The following ADIPOR2 variants were observed in gnomAD, a reference collection of about 807,000 sequenced individuals.
ADIPOR2 encodes adiponectin receptor protein 2.
ADIPOR2 carries 18 observed loss-of-function variants against 40.9 expected under a neutral mutation model. That is an observed-to-expected ratio of 0.44 (90% CI 0.30 to 0.65). The LOEUF (loss-of-function observed/expected upper bound fraction) is 0.65, where lower values mean the gene tolerates loss of function less well. ADIPOR2 is among the 30% of genes least tolerant of loss of function. The pLI is 0.09. For missense variants in ADIPOR2, 283 were observed against 479.2 expected (o/e 0.59, Z 3.82); for synonymous variants, 165 against 166.4 (o/e 0.99, Z 0.06).
At chr12:1,722,053 C>T (rs1476898036) in intron 1 of ADIPOR2, among the ~76,000 whole-genome samples, 1 of 152,170 alleles carries the variant, frequency 6.6e-6, no homozygotes, top group East Asian at 1.9e-4. Context: ...ATTACTGTCG[C>T]TGCCGTGTGA....
intron 1 of ADIPOR2, among the ~76,000 whole-genome samples, chr12:1,753,848 A>AT (rs5795979): frequency 0.13 from 20,313 of 152,096 alleles, 1,517 homozygotes; most frequent in African/African-American, 0.2. Flanking sequence ...ATTGTATACT[A>AT]TTTTTTAAAT....
chr12:1,737,440 T>C (rs1462964952), intron 1 of ADIPOR2, among the ~76,000 whole-genome samples: 1 of 152,154 alleles, frequency 6.6e-6, no homozygotes, highest in Non-Finnish European at 1.5e-5. Flanking sequence ...GTCATTTCCC[T>C]CTAGAATTGG....
chr12:1,737,674 C>G (rs962247434), intron 1 of ADIPOR2, among the ~76,000 whole-genome samples: 1 of 152,094 alleles, frequency 6.6e-6, no homozygotes, highest in Non-Finnish European at 1.5e-5. Context: ...CCTCTACCTC[C>G]TGGGTTCGAG....
intron 1 of ADIPOR2, chr12:1,697,497 G>A (rs2094641661): frequency 2.6e-5 from 4 of 153,078 alleles, no homozygotes; most frequent in Admixed American, 2.0e-4. Flanking sequence ...TTCTTGTAGA[G>A]TTCAGTCATC....
At chr12:1,757,964 C>G in intron 2 of ADIPOR2, 2 of 1,057,534 alleles carry the variant, frequency 1.9e-6, no homozygotes, top group Non-Finnish European at 3.0e-6. Context: ...GCATCCAATG[C>G]TTTGGAGCTG....
chr12:1,781,231 G>A (rs934475211), intron 6 of ADIPOR2, among the ~76,000 whole-genome samples, 155 bp downstream of exon 6: 5 of 152,168 alleles, frequency 3.3e-5, no homozygotes, highest in African/African-American at 1.2e-4. Flanking sequence ...GTTTTTTTAT[G>A]TAGTAGTCGT....
At chr12:1,697,765 G>A (rs1172209769) in intron 1 of ADIPOR2, 1 of 152,374 alleles carries the variant, frequency 6.6e-6, no homozygotes, top group African/African-American at 2.4e-5. Context: ...AGATGATTTT[G>A]ATTCAAGACA....
chr12:1,772,725 G>A (rs1862513340), intron 2 of ADIPOR2, 117 bp from the exon 3 acceptor site: 2 of 1,293,938 alleles, frequency 1.5e-6, no homozygotes, highest in Non-Finnish European at 2.1e-6. Context: ...GTTGATTCTT[G>A]TCTAAGGCCT....
At chr12:1,755,708 C>T (rs1048590940) in intron 2 of ADIPOR2, among the ~76,000 whole-genome samples, 4 of 152,076 alleles carry the variant, frequency 2.6e-5, no homozygotes, top group African/African-American at 9.7e-5. Flanking sequence ...TTTGGAACTT[C>T]CAAATTATAT....
intron 2 of ADIPOR2, 109 bp downstream of exon 2, chr12:1,754,623 G>T (rs758939628): frequency 2.7e-6 from 3 of 1,092,266 alleles, no homozygotes; most frequent in Non-Finnish European, 3.8e-6. Context: ...GGAGGATGGG[G>T]TGGTAAGAAG....
intron 2 of ADIPOR2, among the ~76,000 whole-genome samples, chr12:1,758,440 C>A (rs867663867): frequency 7.9e-5 from 12 of 152,280 alleles, no homozygotes; most frequent in Admixed American, 6.5e-5. Context: ...ATCTTGTTTG[C>A]CTTCCTCAAT....
At position 1,704,055 on chromosome 12, in the gene ADIPOR2, ATT is replaced by A. The variant is rs57190793; in HGVS notation, c.-87+12885_-87+12886del. Among the ~76,000 whole-genome samples the A allele has an allele frequency of 3.5e-3, 239 of 67,558 alleles. No homozygotes were observed. The Middle Eastern group carries it at 0.044, about 12-fold the overall frequency. The allele number at this position is 67,558 out of a possible 152,430, so 44.3% of individuals were successfully genotyped here. On this transcript the variant is annotated intron_variant, in intron 1 of 7. Transcript: ENST00000357103. Reference sequence around the variant, plus strand: ...TTTTTGGGTCTTGGTTCTACCTGGAATTTTTTTTTTTTTTTTTTTTTTGGTGT... The same window carrying A: ...TTTTTGGGTCTTGGTTCTACCTGGAATTTTTTTTTTTTTTTTTTTTGGTGT...
intron 1 of ADIPOR2, among the ~76,000 whole-genome samples, chr12:1,727,282 G>T (rs1026318294): frequency 6.6e-6 from 1 of 152,116 alleles, no homozygotes; most frequent in Non-Finnish European, 1.5e-5. Flanking sequence ...CTGTAGAATA[G>T]ACTTTATTAT....
At chr12:1,729,184 A>T (rs965270217) in intron 1 of ADIPOR2, among the ~76,000 whole-genome samples, 3 of 152,096 alleles carry the variant, frequency 2.0e-5, no homozygotes, top group African/African-American at 7.2e-5. Flanking sequence ...ATATACTGGA[A>T]GCTGTCAGGA....
At position 1,752,633 on chromosome 12, in the gene ADIPOR2, A is replaced by G. The variant is rs540276484; in HGVS notation, c.-86-1625A>G. Among the ~76,000 whole-genome samples the G allele has an allele frequency of 6.0e-4, 92 of 152,296 alleles. 1 individual carries two copies. Among genetic ancestry groups the G allele is most frequent in the Middle Eastern group, 3.4e-3 (1 of 294 alleles). ...AGCTGCTTCTCTTTGAATCCTAATG[A>G]CCTTGAATAAGTTATCCAAACTCTA... is the stretch of plus-strand genomic sequence containing the variant. On this transcript the variant is annotated intron_variant, in intron 1 of 7. Coordinates refer to ENST00000357103, the MANE Select transcript of ADIPOR2 (RefSeq NM_024551.3).
rs142000237 is a variant in ADIPOR2, at chr12:1,705,958, A to G, written c.-87+14767A>G. On this transcript the variant is annotated intron_variant, in intron 1 of 7. Coordinates refer to ENST00000357103, the MANE Select transcript of ADIPOR2 (RefSeq NM_024551.3). ...TCCGTGAACCTCAGTTTCTTCATCTATAAAATGGGACCCCACTTCATAAGG... is the reference window on the plus strand; with the variant it reads ...TCCGTGAACCTCAGTTTCTTCATCTGTAAAATGGGACCCCACTTCATAAGG... Among the ~76,000 whole-genome samples, 9 of 152,350 alleles carry G rather than the reference A, an allele frequency of 5.9e-5. No homozygotes were observed. The East Asian group carries it at 9.6e-4, about 16-fold the overall frequency.
chr12:1,755,154 A>G (rs1288298083), intron 2 of ADIPOR2, among the ~76,000 whole-genome samples: 23,726 of 98,200 alleles, frequency 0.24, 5,501 homozygotes, highest in Non-Finnish European at 0.39. Context: ...ATCTCAGCTC[A>G]CTGCAACCTC....
chr12:1,729,617 GTTTTTTT>G (rs56921758), intron 1 of ADIPOR2, among the ~76,000 whole-genome samples: 6 of 88,992 alleles, frequency 6.7e-5, no homozygotes, highest in East Asian at 3.4e-4. Context: ...TCAGCCAGTT[GTTTTTTT>G]TTTTTTTTTT....
At chr12:1,761,269 A>G (rs936224021) in intron 2 of ADIPOR2, among the ~76,000 whole-genome samples, 2 of 152,166 alleles carry the variant, frequency 1.3e-5, no homozygotes, top group African/African-American at 4.8e-5. Context: ...TAATGAGTTG[A>G]TGGACACTGG....
Sources: allele counts gnomAD v4.1 joint callset (sites outside exome capture counted in the v4.1 genomes callset), GRCh38; gene constraint gnomAD v4.1.1; transcripts MANE v1.5; gene names NCBI Gene and HGNC (gene_info 2026-07-23, HGNC 2026-07-21).